The following PDHX variants were observed in gnomAD, a reference collection of about 807,000 sequenced individuals.
PDHX encodes the protein pyruvate dehydrogenase complex component X, also known as pyruvate dehydrogenase protein X component, mitochondrial.
Under a neutral mutation model 55.3 loss-of-function variants are expected in PDHX, and 33 were observed. The observed-to-expected ratio is 0.60, with a 90% CI of 0.45 to 0.80. The LOEUF (loss-of-function observed/expected upper bound fraction) is 0.80. Ranked by LOEUF, PDHX falls within the 30% of genes least tolerant of loss-of-function variation. The pLI, the probability that PDHX is intolerant of heterozygous loss-of-function variation, is 0.00. For missense variants in PDHX, 622 were observed against 619.9 expected (o/e 1.00, Z -0.04); for synonymous variants, 226 against 219.4 (o/e 1.03, Z -0.27).
intron 10 of PDHX, 144 bp from the exon 11 acceptor site, chr11:34,994,770 C>G (rs1356196892): frequency 2.5e-6 from 2 of 798,568 alleles, no homozygotes; most frequent in Non-Finnish European, 4.1e-6. Flanking sequence ...TTTGTAAATA[C>G]TAAATGTTTC....
At chr11:34,978,589 T>C (rs185826139) in intron 8 of PDHX, among the ~76,000 whole-genome samples, 1 of 152,226 alleles carries the variant, frequency 6.6e-6, no homozygotes, top group East Asian at 1.9e-4. Context: ...GAAGCCCCTC[T>C]GACAAGGCGA....
intron 9 of PDHX, among the ~76,000 whole-genome samples, chr11:34,986,647 G>T (rs556464216): frequency 6.6e-6 from 1 of 152,080 alleles, no homozygotes; most frequent in African/African-American, 2.4e-5. Flanking sequence ...TACATAAGTC[G>T]TAAGTAGTTA....
chr11:34,991,699 A>G (rs865814647), intron 9 of PDHX, among the ~76,000 whole-genome samples: 15 of 152,012 alleles, frequency 9.9e-5, no homozygotes, highest in African/African-American at 3.6e-4. Flanking sequence ...ACTTGAGTTC[A>G]GGAGTTGGAG....
At chr11:34,980,352 C>CTTTTTTTTTTTTCTT in intron 8 of PDHX, among the ~76,000 whole-genome samples, 1 of 74,860 alleles carries the variant, frequency 1.3e-5, no homozygotes, top group African/African-American at 5.0e-5. Context: ...AAGATAGTTT[C>CTTTTTTTTTTTTCTT]TTTTTTTTTT....
At chr11:34,958,724 TCTAA>T (rs1357660207) in intron 4 of PDHX, among the ~76,000 whole-genome samples, 1 of 152,208 alleles carries the variant, frequency 6.6e-6, no homozygotes, top group Non-Finnish European at 1.5e-5. Context: ...ACTGATGCTT[TCTAA>T]CTAATGGTCT....
chr11:34,962,955 A>G (rs1430163902), intron 5 of PDHX, among the ~76,000 whole-genome samples: 6 of 152,204 alleles, frequency 3.9e-5, no homozygotes, highest in Non-Finnish European at 5.9e-5. Flanking sequence ...TATTATTGCC[A>G]TCTTTTCTAC....
At chr11:34,971,820 G>C (rs1288850022) in intron 7 of PDHX, among the ~76,000 whole-genome samples, 1 of 151,962 alleles carries the variant, frequency 6.6e-6, no homozygotes, top group African/African-American at 2.4e-5. Context: ...TTATTTTCTG[G>C]AAGAGTTTGG....
chr11:34,927,171 T>G (rs1438119626), intron 1 of PDHX, among the ~76,000 whole-genome samples: 1 of 152,056 alleles, frequency 6.6e-6, no homozygotes, highest in African/African-American at 2.4e-5. Flanking sequence ...ACAAGCCAAT[T>G]AGATATAATT....
chr11:34,954,625 A>C lies in PDHX; in HGVS notation c.343-2759A>C, dbSNP rs187858624. On this transcript the variant is annotated intron_variant, in intron 3 of 10. Coordinates refer to ENST00000227868, the MANE Select transcript of PDHX (RefSeq NM_003477.3). Reference sequence around the variant, plus strand: ...AAGCATGAATTTCTAACCCATACCAAGGGGTCAGTCCCCTGTAGTCTAATC... The same window carrying C: ...AAGCATGAATTTCTAACCCATACCACGGGGTCAGTCCCCTGTAGTCTAATC... Among the ~76,000 whole-genome samples the C allele has an allele frequency of 1.3e-3, 195 of 152,338 alleles. 2 individuals carry two copies. The highest frequency in any genetic ancestry group is 1.3e-3 in the East Asian group (7 of 5,192).
intron 3 of PDHX, among the ~76,000 whole-genome samples, chr11:34,955,337 G>C (rs774334476): frequency 6.6e-6 from 1 of 152,148 alleles, no homozygotes; most frequent in Non-Finnish European, 1.5e-5. Flanking sequence ...TACAGTGTAA[G>C]CAAATGCTTA....
chr11:34,984,652 C>G lies in PDHX; in HGVS notation c.1106C>G (p.Thr369Arg). 2 of 1,613,926 alleles carry G rather than the reference C, an allele frequency of 1.2e-6. No individual in the cohort carries two copies. Among genetic ancestry groups the G allele is most frequent in the Non-Finnish European group, 1.7e-6 (2 of 1,179,834 alleles). Residue 369 changes from threonine to arginine, a missense_variant, in exon 9 of 11, where the codon ACA becomes AGA. By Grantham distance (71) the Thr-to-Arg change is moderately conservative. Transcript: ENST00000227868. ...PFIDISVAVATDKGLLTPIIK... is the reference protein window; with the variant it reads ...PFIDISVAVARDKGLLTPIIK... ...ATTGACATTTCAGTGGCTGTGGCAA[C>G]AGATAAAGGCTTACTTACTCCAATC...
Position 34,966,791 on chromosome 11 carries a change from A to G in PDHX, c.793A>G (p.Thr265Ala), listed in dbSNP as rs377147669. 40 of 1,612,868 alleles carry G rather than the reference A, an allele frequency of 2.5e-5. No homozygotes were observed. The South Asian group carries it at 4.3e-4, about 17-fold the overall frequency. The part of the protein sequence containing the change: ...YPRPVIPPVS[T>A]PGQPNAVGTF... ...CCGGCCTGTGATCCCACCAGTATCA[A>G]CTCCTGGACAACCCAATGCAGTGGT... Residue 265 changes from threonine (T) to alanine (A), a missense_variant, in exon 6 of 11, where the codon ACT (threonine) becomes GCT (alanine). Transcript: ENST00000227868.
intron 2 of PDHX, among the ~76,000 whole-genome samples, chr11:34,931,841 T>G (rs1204655238): frequency 7.1e-6 from 1 of 141,076 alleles, no homozygotes; most frequent in Non-Finnish European, 1.5e-5. Context: ...TGTGTGTGTG[T>G]GTGTGTGTGT....
At chr11:34,955,581 T>G (rs554184122) in intron 3 of PDHX, among the ~76,000 whole-genome samples, 7 of 152,292 alleles carry the variant, frequency 4.6e-5, no homozygotes, top group African/African-American at 1.7e-4. Flanking sequence ...AAAATGTGAA[T>G]AGTTAAAAAT....
chr11:34,938,578 AAAT>A (rs1168189746), intron 2 of PDHX, among the ~76,000 whole-genome samples: 1 of 152,212 alleles, frequency 6.6e-6, no homozygotes. Flanking sequence ...TGGTGTCATT[AAAT>A]AATGATTCAG....
Position 34,984,610 on chromosome 11 carries a change from C to T in PDHX, c.1064C>T (p.Pro355Leu). ...AATGTAAGCTGGGATGGAGAGGGCC[C>T]AAAGCAACTGCCATTTATTGACATT... ...DVNVSWDGEG[P>L]KQLPFIDISV... is the part of the protein sequence containing the mutation. Residue 355 changes from proline to leucine, a missense_variant, in exon 9 of 11, where the codon CCA (proline) becomes CTA (leucine). Transcript: ENST00000227868. 1 of 1,613,938 alleles carries T rather than the reference C, an allele frequency of 6.2e-7. No homozygotes were observed. The highest frequency in any genetic ancestry group is 8.5e-7 in the Non-Finnish European group (1 of 1,179,940).
At chr11:34,924,601 T>C (rs530461346) in intron 1 of PDHX, among the ~76,000 whole-genome samples, 2 of 152,328 alleles carry the variant, frequency 1.3e-5, no homozygotes, top group South Asian at 4.1e-4. Flanking sequence ...AAATAACTTG[T>C]AGGTGGTGGA....
In PDHX at chr11:34,936,067, G is replaced by C. The variant is rs112336611; in HGVS notation, c.241+4583G>C. ...TTTTGCCACTAATGACAGATGTGGG[G>C]ATCAGGAAGAGGGCTAACAAGTATT... On this transcript the variant is annotated intron_variant, in intron 2 of 10. Coordinates refer to ENST00000227868, the MANE Select transcript of PDHX (RefSeq NM_003477.3). Among the ~76,000 whole-genome samples the C allele has an allele frequency of 5.5e-3, 836 of 152,320 alleles. 12 individuals carry two copies. Among genetic ancestry groups the C allele is most frequent in the African/African-American group, 0.019 (801 of 41,572 alleles).
upstream of PDHX, chr11:34,916,574 GC>G: frequency 6.4e-7 from 1 of 1,569,338 alleles, no homozygotes. Context: ...GCGTCTGGGG[GC>G]GTGGCCAACC....
Sources: allele counts gnomAD v4.1 joint callset (sites outside exome capture counted in the v4.1 genomes callset), GRCh38; gene constraint gnomAD v4.1.1; transcripts MANE v1.5; gene names NCBI Gene and HGNC (gene_info 2026-07-23, HGNC 2026-07-21).